NGLY1: variants seen among roughly 807,000 people sequenced by gnomAD.
NGLY1 encodes peptide-N(4)-(N-acetyl-beta-glucosaminyl)asparagine amidase.
Under a neutral mutation model 84.6 loss-of-function variants are expected in NGLY1, and 68 were observed. That is an observed-to-expected ratio of 0.80 (90% CI 0.66 to 0.98). The LOEUF (loss-of-function observed/expected upper bound fraction) is 0.98. NGLY1 is among the 50% of genes least tolerant of loss of function. NGLY1 has a pLI of 0.00. For missense variants in NGLY1, 779 were observed against 770.2 expected (o/e 1.01, Z -0.14); for synonymous variants, 280 against 275.2 (o/e 1.02, Z -0.17).
chr3:25,780,615 CAT>C (rs1708367397), intron 1 of NGLY1, among the ~76,000 whole-genome samples: 1 of 152,132 alleles, frequency 6.6e-6, no homozygotes, highest in Admixed American at 6.5e-5. Flanking sequence ...CATCAGTTCT[CAT>C]ATAGTTTTTG....
At chr3:25,780,559 G>C (rs1708365076) in intron 1 of NGLY1, among the ~76,000 whole-genome samples, 1 of 152,026 alleles carries the variant, frequency 6.6e-6, no homozygotes, top group Non-Finnish European at 1.5e-5. Flanking sequence ...TAATTTTCTA[G>C]TTTCTTCCTG....
At chr3:25,785,135 C>CAAAAAAAA (rs1159268520), upstream of NGLY1, among the ~76,000 whole-genome samples, 3 of 76,986 alleles carry the variant, frequency 3.9e-5, 1 homozygote, top group Non-Finnish European at 2.6e-5. Flanking sequence ...CCTGCTTGGA[C>CAAAAAAAA]AAAAAAAAAA....
chr3:25,765,783 C>T (rs1707534659), intron 2 of NGLY1, among the ~76,000 whole-genome samples: 1 of 152,198 alleles, frequency 6.6e-6, no homozygotes, highest in Non-Finnish European at 1.5e-5. Flanking sequence ...GTCACCCAGG[C>T]TGGAGTGCAG....
At chr3:25,743,827 CTGA>C (rs570397602) in intron 4 of NGLY1, among the ~76,000 whole-genome samples, 256 of 152,244 alleles carry the variant, frequency 1.7e-3, no homozygotes, top group African/African-American at 5.8e-3. Flanking sequence ...TATAATCCAG[CTGA>C]AAGTAGGACT....
Position 25,737,451 on chromosome 3 carries a change from T to C in NGLY1, c.886A>G (p.Asn296Asp). 3 of 1,589,714 alleles carry C rather than the reference T, an allele frequency of 1.9e-6. No homozygotes were observed. The highest frequency in any genetic ancestry group is 2.6e-6 in the Non-Finnish European group (3 of 1,171,060). ...CQFSNRFPRY[N>D]NPEKLLETRC... ...GTTTCCAAAAGTTTCTCAGGGTTAT[T>C]ATATCTGGTTTAAAAAGAAAAAAAA... The change falls in exon 6 of 12, where the codon AAT becomes GAT. Residue 296 changes from asparagine (N) to aspartate (D), a missense_variant. Asn to Asp is a conservative substitution (Grantham distance 23). Coordinates refer to ENST00000280700, the MANE Select transcript of NGLY1 (RefSeq NM_018297.4).
intron 4 of NGLY1, among the ~76,000 whole-genome samples, chr3:25,744,540 C>A (rs942034670): frequency 2.0e-4 from 30 of 152,240 alleles, no homozygotes; most frequent in African/African-American, 7.2e-4. Context: ...TCGTCATCAT[C>A]TCAGTGCCAT....
chr3:25,755,801 T>A, intron 3 of NGLY1: 1 of 595,210 alleles, frequency 1.7e-6, no homozygotes, highest in East Asian at 2.8e-5. Context: ...TAGTTAAAAC[T>A]GTTAGATCTC....
At chr3:25,722,203 C>T (rs998079750) in intron 10 of NGLY1, among the ~76,000 whole-genome samples, 1 of 148,378 alleles carries the variant, frequency 6.7e-6, no homozygotes, top group Admixed American at 6.8e-5. Context: ...GGTGACAGAG[C>T]GAGACTCTGT....
At chr3:25,753,808 A>G (rs574264055) in intron 3 of NGLY1, among the ~76,000 whole-genome samples, 13 of 152,196 alleles carry the variant, frequency 8.5e-5, no homozygotes, top group Non-Finnish European at 1.9e-4. Flanking sequence ...AAATAAGTTT[A>G]AACATCTTAG....
chr3:25,781,913 G>A (rs571756102), intron 1 of NGLY1, among the ~76,000 whole-genome samples: 2 of 152,298 alleles, frequency 1.3e-5, no homozygotes, highest in African/African-American at 4.8e-5. Context: ...CAGGTGGTAA[G>A]TCTCAGCTAA....
At chr3:25,724,502 G>A (rs1705155937) in intron 10 of NGLY1, among the ~76,000 whole-genome samples, 1 of 152,040 alleles carries the variant, frequency 6.6e-6, no homozygotes, top group Admixed American at 6.6e-5. Context: ...TGTAGAATTT[G>A]GATAAGAATT....
intron 4 of NGLY1, among the ~76,000 whole-genome samples, chr3:25,748,865 A>G (rs1278819993): frequency 2.6e-5 from 4 of 152,192 alleles, no homozygotes; most frequent in Non-Finnish European, 4.4e-5. Flanking sequence ...AAAAATATAC[A>G]CATACCAATG....
chr3:25,761,290 T>C (rs889380932), intron 3 of NGLY1, among the ~76,000 whole-genome samples: 5 of 152,146 alleles, frequency 3.3e-5, no homozygotes, highest in Admixed American at 6.5e-5. Flanking sequence ...CGAGATAAAG[T>C]TGTGAAGCTG....
At chr3:25,768,449 G>C (rs1005172500) in intron 2 of NGLY1, among the ~76,000 whole-genome samples, 32 of 149,048 alleles carry the variant, frequency 2.1e-4, no homozygotes, top group African/African-American at 7.1e-4. Flanking sequence ...AGATGGATTA[G>C]AGACTTAAGT....
At chr3:25,765,992 A>G (rs1029574344) in intron 2 of NGLY1, among the ~76,000 whole-genome samples, 1 of 152,026 alleles carries the variant, frequency 6.6e-6, no homozygotes, top group African/African-American at 2.4e-5. Context: ...CAGCCTCCCA[A>G]AGCAAAATGC....
At chr3:25,722,444 A>T (rs1559527310) in intron 10 of NGLY1, among the ~76,000 whole-genome samples, 1 of 152,118 alleles carries the variant, frequency 6.6e-6, no homozygotes, top group Non-Finnish European at 1.5e-5. Flanking sequence ...CAAGTAAAAA[A>T]ATCAATCGCC....
chr3:25,723,271 G>C (rs1238829587), intron 10 of NGLY1, among the ~76,000 whole-genome samples: 1 of 152,074 alleles, frequency 6.6e-6, no homozygotes, highest in Non-Finnish European at 1.5e-5. Context: ...CAGTCCTAAA[G>C]GCATCATCAG....
chr3:25,735,935 A>C, intron 7 of NGLY1, 69 bp downstream of exon 7: 1 of 1,319,170 alleles, frequency 7.6e-7, no homozygotes, highest in Middle Eastern at 1.9e-4. Context: ...TTATACATTC[A>C]TGAAGCTGTC....
intron 4 of NGLY1, among the ~76,000 whole-genome samples, chr3:25,740,397 AC>A (rs1282181441): frequency 1.3e-5 from 2 of 152,152 alleles, no homozygotes; most frequent in Non-Finnish European, 2.9e-5. Context: ...CAGATAATAT[AC>A]CCACTTTTCC....
Sources: gnomAD v4.1 joint callset for allele counts (sites outside exome capture counted in the v4.1 genomes callset) on GRCh38, gnomAD v4.1.1 for gene constraint, MANE v1.5 for transcripts, NCBI Gene and HGNC (gene_info 2026-07-23, HGNC 2026-07-21) for gene names.